The following PRDM16 variants were observed in gnomAD, a reference collection of about 807,000 sequenced individuals.
PRDM16 encodes the protein histone-lysine N-methyltransferase PRDM16.
PRDM16 carries 23 observed loss-of-function variants against 110.6 expected under a neutral mutation model. The observed-to-expected ratio is 0.21, with a 90% CI of 0.15 to 0.29. The LOEUF (loss-of-function observed/expected upper bound fraction) is 0.29, where lower values mean the gene tolerates loss of function less well. Among genes scored for constraint, PRDM16 ranks in the 10% least tolerant of loss-of-function variants. The probability of loss-of-function intolerance (pLI) is 1.00; values close to 1 mark genes in which losing one functional copy is unlikely to be tolerated. For synonymous variants in PRDM16, 799 were observed against 781.8 expected (o/e 1.02, Z -0.37); for missense variants, 1,615 against 1,794.3 (o/e 0.90, Z 1.81).
chr1:3,289,335 C>T (rs1640922883), intron 3 of PRDM16, among the ~76,000 whole-genome samples: 1 of 152,230 alleles, frequency 6.6e-6, no homozygotes, highest in Admixed American at 6.5e-5. Flanking sequence ...GGTGGGCAAG[C>T]TCTCTGGTGT....
intron 3 of PRDM16, among the ~76,000 whole-genome samples, chr1:3,373,423 G>A (rs1169040042): frequency 1.3e-5 from 2 of 152,228 alleles, no homozygotes; most frequent in African/African-American, 4.8e-5. Context: ...CGGGGAGCCA[G>A]GGGGTTCGGG....
chr1:3,144,309 G>A (rs1004001056), intron 1 of PRDM16, among the ~76,000 whole-genome samples: 2 of 152,202 alleles, frequency 1.3e-5, no homozygotes, highest in African/African-American at 2.4e-5. Context: ...GCCATCCCTC[G>A]GGTTGGATGC....
At chr1:3,328,051 T>C (rs1570082157) in intron 3 of PRDM16, among the ~76,000 whole-genome samples, 1 of 152,304 alleles carries the variant, frequency 6.6e-6, no homozygotes, top group African/African-American at 2.4e-5. Context: ...AGGGAAGACC[T>C]GGGGGACTCG....
Position 3,081,162 on chromosome 1 carries a change from C to T in PRDM16, c.37+11866C>T, listed in dbSNP as rs936284699. ...GTCGAAGGTGTTAGTCTTACCTTCC[C>T]GAGGTTAGATAAAGCCGCTAAAAGC... is the stretch of plus-strand genomic sequence containing the variant. On this transcript the variant is annotated intron_variant, in intron 1 of 16. Coordinates refer to ENST00000270722, the MANE Select transcript of PRDM16 (RefSeq NM_022114.4). The surrounding 1 kb of genome is among the most constrained non-coding windows in gnomAD (Gnocchi z 4.6). Among the ~76,000 whole-genome samples, 1 of 152,168 alleles carries T rather than the reference C, an allele frequency of 6.6e-6. No homozygotes were observed. Among genetic ancestry groups the T allele is most frequent in the Non-Finnish European group, 1.5e-5 (1 of 68,040 alleles).
Position 3,220,978 on chromosome 1 carries a change from T to C in PRDM16, c.388-23109T>C, listed in dbSNP as rs188186346. 1.4e-3 allele frequency among the ~76,000 whole-genome samples: 206 copies of C among 152,310 alleles called. 2 individuals carry two copies. Among genetic ancestry groups the C allele is most frequent in the East Asian group, 9.7e-4 (5 of 5,180 alleles). On this transcript the variant is annotated intron_variant, in intron 2 of 16. Coordinates refer to ENST00000270722, the MANE Select transcript of PRDM16 (RefSeq NM_022114.4). ...TTCAGAATCCATCCCATCAGGCCAC[T>C]TGATGCTCAGACTCAAGAGAGGGAG...
chr1:3,269,587 C>T (rs1640381754), intron 3 of PRDM16, among the ~76,000 whole-genome samples: 1 of 138,392 alleles, frequency 7.2e-6, no homozygotes, highest in African/African-American at 2.8e-5. Context: ...CGGAGGAGGA[C>T]AGTCGGGAGG....
intron 1 of PRDM16, among the ~76,000 whole-genome samples, chr1:3,102,294 C>G (rs1002277593): frequency 2.0e-5 from 3 of 152,164 alleles, no homozygotes; most frequent in African/African-American, 7.2e-5. Flanking sequence ...CTGGCTACCT[C>G]CTAGCTGTCC....
At chr1:3,235,141 T>A (rs1158701654) in intron 2 of PRDM16, among the ~76,000 whole-genome samples, 1 of 152,236 alleles carries the variant, frequency 6.6e-6, no homozygotes, top group Non-Finnish European at 1.5e-5. Flanking sequence ...CTGCAGGTCC[T>A]GGGGCCCTGC....
rs545904134 is a variant in PRDM16 at position 3,363,062 on chromosome 1, C to A, written c.439-22090C>A. 2.8e-4 allele frequency among the ~76,000 whole-genome samples: 42 copies of A among 152,284 alleles called. 1 individual carries two copies. The highest frequency in any genetic ancestry group is 3.1e-4 in the Non-Finnish European group (21 of 68,024). On this transcript the variant is annotated intron_variant, in intron 3 of 16. Coordinates refer to ENST00000270722, the MANE Select transcript of PRDM16 (RefSeq NM_022114.4). ...ACCCTGGCATGTGAGAAGCTGCTAC[C>A]CCACCCTGCCGGAGTGGGGCCTTTC... is the stretch of plus-strand genomic sequence containing the variant.
intron 1 of PRDM16, among the ~76,000 whole-genome samples, chr1:3,106,641 T>C (rs970572672): frequency 4.6e-5 from 7 of 151,878 alleles, no homozygotes; most frequent in Non-Finnish European, 7.4e-5. Flanking sequence ...GAATTACACA[T>C]GGGGTTTGGG....
intron 3 of PRDM16, among the ~76,000 whole-genome samples, chr1:3,286,670 C>G (rs939705123): frequency 6.6e-6 from 1 of 152,078 alleles, no homozygotes; most frequent in African/African-American, 2.4e-5. Flanking sequence ...CCCCCAAGTT[C>G]CTCCCACACC....
In PRDM16 at chr1:3,370,946, C is replaced by T. The variant is rs1359382469; in HGVS notation, c.439-14206C>T. Among the ~76,000 whole-genome samples the T allele has an allele frequency of 6.6e-6, 1 of 151,212 alleles. No homozygotes were observed. Among genetic ancestry groups the T allele is most frequent in the Non-Finnish European group, 1.5e-5 (1 of 67,812 alleles). On this transcript the variant is annotated intron_variant, in intron 3 of 16. Coordinates refer to ENST00000270722, the MANE Select transcript of PRDM16 (RefSeq NM_022114.4). The surrounding 1 kb of genome is among the most constrained non-coding windows in gnomAD (Gnocchi z 4.8). ...TCCACTGAATAATCCACCCATTCAT[C>T]CATTCACCATCCATCGATTCATCCA... is the stretch of plus-strand genomic sequence containing the variant.
chr1:3,360,930 G>A (rs1241406943), intron 3 of PRDM16, among the ~76,000 whole-genome samples: 1 of 152,196 alleles, frequency 6.6e-6, no homozygotes, highest in African/African-American at 2.4e-5. Flanking sequence ...TGCGGGTGCC[G>A]TCCCGCGGCG....
chr1:3,266,270 C>T (rs2100268018), intron 3 of PRDM16, among the ~76,000 whole-genome samples: 1 of 152,326 alleles, frequency 6.6e-6, no homozygotes, highest in East Asian at 1.9e-4. Context: ...TAAACTTCCA[C>T]GGATCGGGCG....
chr1:3,419,321 C>T (rs1241614507), intron 12 of PRDM16, among the ~76,000 whole-genome samples: 2 of 152,232 alleles, frequency 1.3e-5, no homozygotes, highest in Non-Finnish European at 2.9e-5. Context: ...CCCCCGTGCT[C>T]CTCTCATCTG....
At chr1:3,125,512 C>T (rs1385262149) in intron 1 of PRDM16, among the ~76,000 whole-genome samples, 1 of 152,276 alleles carries the variant, frequency 6.6e-6, no homozygotes, top group South Asian at 2.1e-4. Flanking sequence ...GCCGGCTCAG[C>T]GGGACACACG....
intron 1 of PRDM16, among the ~76,000 whole-genome samples, chr1:3,100,105 C>T (rs574137610): frequency 1.4e-4 from 21 of 152,226 alleles, no homozygotes; most frequent in East Asian, 3.9e-4. Context: ...GACAGGTGGC[C>T]GTCCCCTGGC....
Position 3,208,367 on chromosome 1 carries a change from G to T in PRDM16, c.387+21893G>T, listed in dbSNP as rs60118785. The T allele has an allele frequency of 1.3e-5, 2 of 152,030 alleles. No individual in the cohort carries two copies. The highest frequency in any genetic ancestry group is 4.8e-5 in the African/African-American group (2 of 41,358). 9.4% of individuals were successfully genotyped at this position (152,030 alleles called of 1,614,324 possible). A position where few individuals can be genotyped will look rare whatever the true frequency, so the allele number is the denominator to read the frequency against. On this transcript the variant is annotated intron_variant, in intron 2 of 16. Transcript: ENST00000270722. The surrounding 1 kb of genome is among the most constrained non-coding windows in gnomAD (Gnocchi z 6.1). ...CGAGGCCACCCCGAGTGATGACGAC[G>T]ATTGAAAATGTCTCCAGAGGCCTGA...
chr1:3,225,522 C>G (rs1253427656), intron 2 of PRDM16, among the ~76,000 whole-genome samples: 1 of 141,826 alleles, frequency 7.1e-6, no homozygotes, highest in Non-Finnish European at 1.5e-5. Context: ...TGATGATGTG[C>G]AGCTTGCCTG....
Sources: allele counts gnomAD v4.1 joint callset (sites outside exome capture counted in the v4.1 genomes callset), GRCh38; gene constraint gnomAD v4.1.1; non-coding constraint Gnocchi (gnomAD v3.1); transcripts MANE v1.5; gene names NCBI Gene and HGNC (gene_info 2026-07-23, HGNC 2026-07-21).